Variants in NCOR1 observed in about 807,000 individuals in gnomAD.
NCOR1 encodes nuclear receptor corepressor 1.
A neutral mutation model predicts 288.1 loss-of-function variants in NCOR1; 63 were observed. That is an observed-to-expected ratio of 0.22 (90% CI 0.18 to 0.27). The LOEUF (loss-of-function observed/expected upper bound fraction) is 0.27. Among genes scored for constraint, NCOR1 ranks in the 10% least tolerant of loss-of-function variants. The pLI is 1.00. For synonymous variants in NCOR1, 1,007 were observed against 1,065.9 expected (o/e 0.94, Z 1.08); for missense variants, 2,397 against 3,019.2 (o/e 0.79, Z 4.83).
At position 16,210,589 on chromosome 17, in the gene NCOR1, G is replaced by C. The variant is rs192638185; in HGVS notation, c.-71+4773C>G. On this transcript the variant is annotated intron_variant, in intron 1 of 45. Coordinates refer to ENST00000268712, the MANE Select transcript of NCOR1 (RefSeq NM_006311.4). The stretch of plus-strand genomic sequence containing the variant: ...TTAAGCAAACTAAATAATTCCTGGT[G>C]ATCACTGTAACACTGACATAGATCA... Among the ~76,000 whole-genome samples, 283 of 152,176 alleles carry C rather than the reference G, an allele frequency of 1.9e-3. 2 individuals are homozygous for C. The highest frequency in any genetic ancestry group is 6.8e-3 in the Middle Eastern group (2 of 292).
chr17:16,132,980 T>A (rs1299577653), intron 14 of NCOR1, among the ~76,000 whole-genome samples: 1 of 151,798 alleles, frequency 6.6e-6, no homozygotes, highest in Non-Finnish European at 1.5e-5. Flanking sequence ...CTTCTTTCTT[T>A]TTTTTCCAGA....
intron 17 of NCOR1, 105 bp from the exon 18 acceptor site, chr17:16,118,132 TAGA>T (rs1451244083): frequency 1.7e-6 from 2 of 1,154,678 alleles, no homozygotes; most frequent in African/African-American, 1.6e-5. Context: ...CCATTGACAC[TAGA>T]AGTGTGCTTT....
At position 16,031,768 on chromosome 17, in the gene NCOR1, A is replaced by G. The variant is rs1374435354; in HGVS notation, c.*528T>C. ...TGGAAAGCTGAATTTAGAGGAAACAATATCAGATAAAAGTACAATGCCCGT... is the reference window on the plus strand; with the variant it reads ...TGGAAAGCTGAATTTAGAGGAAACAGTATCAGATAAAAGTACAATGCCCGT... On this transcript the variant is annotated 3_prime_UTR_variant, in exon 46 of 46. Coordinates refer to ENST00000268712, the MANE Select transcript of NCOR1 (RefSeq NM_006311.4). 3 of 230,348 alleles carry G rather than the reference A, an allele frequency of 1.3e-5. No individual in the cohort carries two copies. Among genetic ancestry groups the G allele is most frequent in the African/African-American group, 6.6e-5 (3 of 45,194 alleles). The allele number at this position is 230,348 out of a possible 1,614,324, so 14.3% of individuals were successfully genotyped here. A position where few individuals can be genotyped will look rare whatever the true frequency, so the allele number is the denominator to read the frequency against.
At chr17:16,139,572 T>C (rs954226985) in intron 11 of NCOR1, among the ~76,000 whole-genome samples, 1 of 152,162 alleles carries the variant, frequency 6.6e-6, no homozygotes, top group Non-Finnish European at 1.5e-5. Flanking sequence ...CTCAACATCA[T>C]TTTATAGAAC....
chr17:16,058,700 T>A (rs769668372), intron 37 of NCOR1, 101 bp from the exon 38 acceptor site: 5 of 1,203,986 alleles, frequency 4.2e-6, no homozygotes, highest in Non-Finnish European at 4.6e-6. Context: ...TGATCCACCA[T>A]GTTCAAAGGT....
rs576351219 is a variant in NCOR1, at chr17:16,118,632, A to G, written c.1916-605T>C. ...ACATACGTGCAAAGAATATGTATCT[A>G]TGCATTTGTATACATATATAAGGGG... On this transcript the variant is annotated intron_variant, in intron 17 of 45. Transcript: ENST00000268712. Among the ~76,000 whole-genome samples the G allele has an allele frequency of 2.0e-5, 3 of 152,326 alleles. No homozygotes were observed. In the South Asian group the frequency reaches 6.2e-4, roughly 32 times the overall value.
chr17:16,079,981 G>A lies in NCOR1; in HGVS notation c.3484C>T (p.Arg1162Trp), dbSNP rs1355823096. The A allele has an allele frequency of 8.7e-6, 14 of 1,613,654 alleles. No individual in the cohort carries two copies. Among genetic ancestry groups the A allele is most frequent in the Non-Finnish European group, 1.1e-5 (13 of 1,179,614 alleles). The change falls in exon 26 of 46, where the codon CGG becomes TGG. Residue 1162 changes from arginine to tryptophan, a missense_variant. Coordinates refer to ENST00000268712, the MANE Select transcript of NCOR1 (RefSeq NM_006311.4). ...TGACTAACCTGAGTGATAGAGCCCC[G>A]TAGGGATGGAATGCTCTCCACTGAA... ...KISVESIPSL[R>W]GSITQGTPAL...
intron 1 of NCOR1, among the ~76,000 whole-genome samples, chr17:16,199,336 C>T (rs2090443575): frequency 6.6e-6 from 1 of 151,996 alleles, no homozygotes; most frequent in Admixed American, 6.6e-5. Flanking sequence ...AGCCTGGAGA[C>T]CACGACAACC....
chr17:16,094,410 A>G (rs980207896), intron 21 of NCOR1, among the ~76,000 whole-genome samples: 1 of 152,226 alleles, frequency 6.6e-6, no homozygotes, highest in Admixed American at 6.5e-5. Flanking sequence ...ATTATTTGAG[A>G]TAGAAAACAC....
At chr17:16,068,394 T>C (rs1256404873) in intron 31 of NCOR1, 2 of 362,772 alleles carry the variant, frequency 5.5e-6, no homozygotes, top group East Asian at 1.2e-4. Flanking sequence ...AAAAATAAAA[T>C]TCAATACTCT....
intron 14 of NCOR1, among the ~76,000 whole-genome samples, chr17:16,135,300 T>A (rs1346529851): frequency 6.6e-6 from 1 of 152,072 alleles, no homozygotes; most frequent in Admixed American, 6.6e-5. Context: ...CCTGGCAATA[T>A]TCTTCTCTCT....
intron 40 of NCOR1, among the ~76,000 whole-genome samples, chr17:16,051,918 T>A (rs1411406897): frequency 1.3e-5 from 2 of 151,794 alleles, no homozygotes; most frequent in African/African-American, 4.8e-5. Context: ...TCTCAAAAAA[T>A]AAATAAATAA....
intron 19 of NCOR1, among the ~76,000 whole-genome samples, chr17:16,105,987 C>G (rs1004569922): frequency 6.6e-6 from 1 of 152,110 alleles, no homozygotes; most frequent in Non-Finnish European, 1.5e-5. Context: ...ATAATCCCAG[C>G]TACTCGGGAG....
chr17:16,156,886 T>G (rs1248822985), intron 6 of NCOR1, among the ~76,000 whole-genome samples: 1 of 152,156 alleles, frequency 6.6e-6, no homozygotes, highest in South Asian at 2.1e-4. Flanking sequence ...CAGAATTCAC[T>G]AATATTGTAA....
At chr17:16,189,075 TAAAAATAAAA>T (rs1388133510) in intron 2 of NCOR1, among the ~76,000 whole-genome samples, 1 of 150,702 alleles carries the variant, frequency 6.6e-6, no homozygotes, top group Non-Finnish European at 1.5e-5. Flanking sequence ...TTGTTAAAAA[TAAAAATAAAA>T]AAAAATAACA....
At chr17:16,120,464 T>G (rs1216412648) in intron 16 of NCOR1, among the ~76,000 whole-genome samples, 3 of 152,122 alleles carry the variant, frequency 2.0e-5, no homozygotes, top group Non-Finnish European at 4.4e-5. Flanking sequence ...AAACTGCATT[T>G]TCTTTCATAC....
chr17:16,066,026 G>C (rs1248779111), intron 32 of NCOR1: 3 of 343,294 alleles, frequency 8.7e-6, no homozygotes, highest in Non-Finnish European at 1.7e-5. Flanking sequence ...TGTCTTTATA[G>C]TACTGATCAT....
At chr17:16,079,135 G>A (rs1348574800) in intron 26 of NCOR1, among the ~76,000 whole-genome samples, 2 of 152,132 alleles carry the variant, frequency 1.3e-5, no homozygotes, top group African/African-American at 2.4e-5. Context: ...AAGGGCTTGG[G>A]AAAACACAGA....
chr17:16,092,695 ATTTTTTTT>A (rs1184440315), intron 21 of NCOR1, among the ~76,000 whole-genome samples: 465 of 22,550 alleles, frequency 0.021, 10 homozygotes, highest in Non-Finnish European at 0.023. Context: ...ATATATATAT[ATTTTTTTT>A]TTTTTTTTTT....
Sources: allele counts gnomAD v4.1 joint callset (sites outside exome capture counted in the v4.1 genomes callset), GRCh38; gene constraint gnomAD v4.1.1; transcripts MANE v1.5; gene names NCBI Gene and HGNC (gene_info 2026-07-23, HGNC 2026-07-21).